The following BAG2 variants were observed in gnomAD, a reference collection of about 807,000 sequenced individuals.
BAG2 encodes the protein BAG cochaperone 2, also known as BAG family molecular chaperone regulator 2.
In BAG2, 8 loss-of-function variants were observed where a neutral mutation model predicts 16.4. That is an observed-to-expected ratio of 0.49 (90% CI 0.29 to 0.88). BAG2 has a LOEUF of 0.88. Among genes scored for constraint, BAG2 ranks in the 40% least tolerant of loss-of-function variants. The pLI, the probability that BAG2 is intolerant of heterozygous loss-of-function variation, is 0.09. For missense variants in BAG2, 218 were observed against 248.9 expected (o/e 0.88, Z 0.84); for synonymous variants, 82 against 89.2 (o/e 0.92, Z 0.46).
Position 57,183,341 on chromosome 6 carries a change from C to T in BAG2, c.224-437C>T, listed in dbSNP as rs112572369. On this transcript the variant is annotated intron_variant, in intron 2 of 2. Transcript: ENST00000370693. ...GTATTGACGACAGAAGACAGCTTATCTTCTATCGTGGCTACATTTTCTCAA... is the reference window on the plus strand; with the variant it reads ...GTATTGACGACAGAAGACAGCTTATTTTCTATCGTGGCTACATTTTCTCAA... Among the ~76,000 whole-genome samples the T allele has an allele frequency of 2.8e-3, 427 of 152,312 alleles. 3 individuals are homozygous for T. The highest frequency in any genetic ancestry group is 9.8e-3 in the African/African-American group (406 of 41,572).
chr6:57,184,745 G>A lies in BAG2; in HGVS notation c.*555G>A, dbSNP rs896011685. 2.0e-5 allele frequency: 3 copies of A among 152,504 alleles called. No individual in the cohort carries two copies. Among genetic ancestry groups the A allele is most frequent in the African/African-American group, 7.3e-5 (3 of 41,364 alleles). The allele number at this position is 152,504 out of a possible 1,614,324, so 9.4% of individuals were successfully genotyped here. ...GATTCCTGTGTCTCATAATATGAATGTATTTTTTGATATACAAGAAACTGA... is the reference window on the plus strand; with the variant it reads ...GATTCCTGTGTCTCATAATATGAATATATTTTTTGATATACAAGAAACTGA... On this transcript the variant is annotated 3_prime_UTR_variant, in exon 3 of 3. Coordinates refer to ENST00000370693, the MANE Select transcript of BAG2 (RefSeq NM_004282.4).
chr6:57,172,706 G>A lies in BAG2; in HGVS notation c.9G>A (p.Gln3=). The part of the protein sequence containing the change: MA[Q]AKINAKANEG... ...CCGCGTCGGAGGCTTAGATGGCTCAGGCGAAGATCAACGCTAAAGCCAACG... is the reference window on the plus strand; with the variant it reads ...CCGCGTCGGAGGCTTAGATGGCTCAAGCGAAGATCAACGCTAAAGCCAACG... Residue 3 remains glutamine, a synonymous_variant, in exon 1 of 3, where the codon CAG becomes CAA. Transcript: ENST00000370693. 1 of 1,569,482 alleles carries A rather than the reference G, an allele frequency of 6.4e-7. No homozygotes were observed. Among genetic ancestry groups the A allele is most frequent in the South Asian group, 1.2e-5 (1 of 84,776 alleles).
chr6:57,177,874 G>C (rs914731503), intron 1 of BAG2, among the ~76,000 whole-genome samples: 12 of 152,200 alleles, frequency 7.9e-5, no homozygotes, highest in Non-Finnish European at 1.6e-4. Flanking sequence ...TTTCGATACT[G>C]AGACTGCAGA....
At chr6:57,175,265 TTC>T (rs891307508) in intron 1 of BAG2, among the ~76,000 whole-genome samples, 4 of 152,200 alleles carry the variant, frequency 2.6e-5, no homozygotes, top group African/African-American at 4.8e-5. Flanking sequence ...GATATTACGA[TTC>T]TCTCTCTCTG....
At chr6:57,180,055 G>C (rs1764392531) in intron 1 of BAG2, among the ~76,000 whole-genome samples, 1 of 151,750 alleles carries the variant, frequency 6.6e-6, no homozygotes. Flanking sequence ...AGAATCAACA[G>C]ACTGAACACT....
chr6:57,183,605 A>C (rs1593196995), intron 2 of BAG2, among the ~76,000 whole-genome samples, 173 bp from the exon 3 acceptor site: 1 of 152,194 alleles, frequency 6.6e-6, no homozygotes, highest in African/African-American at 2.4e-5. Flanking sequence ...GGTATTCTAC[A>C]ACCTCTTTCT....
In BAG2 at chr6:57,172,519, CCTT is replaced by C; in HGVS notation, c.-175_-173del. 4.3e-6 allele frequency: 2 copies of C among 466,086 alleles called. No individual in the cohort carries two copies. The highest frequency in any genetic ancestry group is 7.5e-6 in the Non-Finnish European group (2 of 267,700). 28.9% of individuals were successfully genotyped at this position (466,086 alleles called of 1,614,324 possible). ...CGAGCCCCGCGGGCGCCGCGCCTGC[CCTT>C]CTTTGGCTACGCTGCAGCCGCGGTG... On this transcript the variant is annotated 5_prime_UTR_variant, in exon 1 of 3. Coordinates refer to ENST00000370693, the MANE Select transcript of BAG2 (RefSeq NM_004282.4).
At position 57,186,281 on chromosome 6, in the gene BAG2, G is replaced by A. The variant is rs1764610335; in HGVS notation, c.*2091G>A. 1 of 152,196 alleles carries A rather than the reference G, an allele frequency of 6.6e-6. No homozygotes were observed. The allele number at this position is 152,196 out of a possible 1,614,324, so 9.4% of individuals were successfully genotyped here. On this transcript the variant is annotated 3_prime_UTR_variant, in exon 3 of 3. Coordinates refer to ENST00000370693, the MANE Select transcript of BAG2 (RefSeq NM_004282.4). ...ACGTTTGGTGTTGAATATATGCTAT[G>A]GAGGCAGTTTCTATAGTTTCATTTA...
At chr6:57,173,828 G>A (rs1764200589) in intron 1 of BAG2, 1 of 151,968 alleles carries the variant, frequency 6.6e-6, no homozygotes, top group South Asian at 2.1e-4. Context: ...AAAAAGTTTA[G>A]GAAACACTGC....
rs555246749 is a variant in BAG2 at position 57,187,946 on chromosome 6, T to C, written c.*3756T>C. On this transcript the variant is annotated 3_prime_UTR_variant, in exon 3 of 3. Transcript: ENST00000370693. ...GGTTTTATTTAACTATATTGCCTTA[T>C]ATGGGTCATTCTATATACTATTTAA... 1.2e-4 allele frequency: 19 copies of C among 152,134 alleles called. No individual in the cohort carries two copies. Among genetic ancestry groups the C allele is most frequent in the African/African-American group, 4.6e-4 (19 of 41,454 alleles). 9.4% of individuals were successfully genotyped at this position (152,134 alleles called of 1,614,324 possible). A position where few individuals can be genotyped will look rare whatever the true frequency, so the allele number is the denominator to read the frequency against.
At chr6:57,174,687 A>G (rs1764228778) in intron 1 of BAG2, among the ~76,000 whole-genome samples, 2 of 152,234 alleles carry the variant, frequency 1.3e-5, no homozygotes, top group Non-Finnish European at 2.9e-5. Context: ...GCAAAAATAG[A>G]GAAAAATGCT....
Position 57,189,526 on chromosome 6 carries a change from T to G in BAG2, c.*5336T>G, listed in dbSNP as rs1219092802. On this transcript the variant is annotated 3_prime_UTR_variant, in exon 3 of 3. Transcript: ENST00000370693. ...TGTGCTGTGTACCTTCTTAAGGGGC[T>G]TTGGCTGACCTTATGAGAGCAGGAG... 6.6e-6 allele frequency: 1 copy of G among 152,278 alleles called. No individual in the cohort carries two copies. Among genetic ancestry groups the G allele is most frequent in the African/African-American group, 2.4e-5 (1 of 41,458 alleles). The allele number at this position is 152,278 out of a possible 1,614,324, so 9.4% of individuals were successfully genotyped here.
rs561892455 is a variant in BAG2, at chr6:57,175,124, G to A, written c.113+2314G>A. Among the ~76,000 whole-genome samples the A allele has an allele frequency of 2.6e-5, 4 of 152,248 alleles. No individual in the cohort carries two copies. The South Asian group carries it at 8.3e-4, about 32-fold the overall frequency. On this transcript the variant is annotated intron_variant, in intron 1 of 2. Coordinates refer to ENST00000370693, the MANE Select transcript of BAG2 (RefSeq NM_004282.4). ...TTCTGTATTTCTTCCTTCTACAGAG[G>A]TGATTCCCTTTTCTCCGTTTTGACG...
chr6:57,179,505 G>T (rs1764377902), intron 1 of BAG2, among the ~76,000 whole-genome samples: 1 of 152,142 alleles, frequency 6.6e-6, no homozygotes, highest in Non-Finnish European at 1.5e-5. Context: ...TCCTTTTATG[G>T]AATTGAACGT....
At chr6:57,173,629 C>T (rs1764193663) in intron 1 of BAG2, 1 of 618,768 alleles carries the variant, frequency 1.6e-6, no homozygotes. Context: ...TTTGGAAAGA[C>T]TTTAACGGTG....
Position 57,182,265 on chromosome 6 carries a change from G to C in BAG2, c.223+124G>C. 3 of 640,014 alleles carry C rather than the reference G, an allele frequency of 4.7e-6. No homozygotes were observed. In the South Asian group the frequency reaches 7.4e-5, roughly 16 times the overall value. 39.6% of individuals were successfully genotyped at this position (640,014 alleles called of 1,614,324 possible). The stretch of plus-strand genomic sequence containing the variant: ...CACCAGGCCACAGCATTTAATGTGA[G>C]CCACAGAGAGCAGCTGCAGCTGTCA... On this transcript the variant is annotated intron_variant, in intron 2 of 2. Coordinates refer to ENST00000370693, the MANE Select transcript of BAG2 (RefSeq NM_004282.4).
rs1593199217 is a variant in BAG2 at position 57,186,022 on chromosome 6, C to G, written c.*1832C>G. The stretch of plus-strand genomic sequence containing the variant: ...AAGAGCTATGATCCACATTTCCAAG[C>G]TGCTTGGGGTCCCTGGTTTACAGTG... On this transcript the variant is annotated 3_prime_UTR_variant, in exon 3 of 3. Coordinates refer to ENST00000370693, the MANE Select transcript of BAG2 (RefSeq NM_004282.4). 1 of 152,250 alleles carries G rather than the reference C, an allele frequency of 6.6e-6. No individual in the cohort carries two copies. Among genetic ancestry groups the G allele is most frequent in the East Asian group, 1.9e-4 (1 of 5,174 alleles). The allele number at this position is 152,250 out of a possible 1,614,324, so 9.4% of individuals were successfully genotyped here. A position where few individuals can be genotyped will look rare whatever the true frequency, so the allele number is the denominator to read the frequency against.
intron 2 of BAG2, among the ~76,000 whole-genome samples, chr6:57,182,501 TGA>T (rs747923847): frequency 3.3e-5 from 4 of 122,566 alleles, no homozygotes; most frequent in African/African-American, 1.3e-4. Flanking sequence ...AGGAAGAGGG[TGA>T]GAGAGTGGAA....
intron 1 of BAG2, among the ~76,000 whole-genome samples, chr6:57,178,090 C>T (rs976443535): frequency 2.6e-5 from 4 of 152,166 alleles, no homozygotes; most frequent in African/African-American, 7.2e-5. Context: ...TAGCTGCTTC[C>T]GGGATCTGTT....
Sources: allele counts gnomAD v4.1 joint callset (sites outside exome capture counted in the v4.1 genomes callset), GRCh38; gene constraint gnomAD v4.1.1; transcripts MANE v1.5; gene names NCBI Gene and HGNC (gene_info 2026-07-23, HGNC 2026-07-21).